CERS6: variants seen among roughly 807,000 people sequenced by gnomAD.
CERS6 encodes ceramide synthase 6.
In CERS6, 26 loss-of-function variants were observed where a neutral mutation model predicts 56.8. That is an observed-to-expected ratio of 0.46 (90% CI 0.34 to 0.63). The LOEUF (loss-of-function observed/expected upper bound fraction) is 0.63. Among genes scored for constraint, CERS6 ranks in the 30% least tolerant of loss-of-function variants. The probability of loss-of-function intolerance (pLI) is 0.01; values close to 1 mark genes in which losing one functional copy is unlikely to be tolerated. For synonymous variants in CERS6, 164 were observed against 173.3 expected, an observed-to-expected ratio of 0.95 and a Z score of 0.42; for missense variants, 415 against 467.5, an observed-to-expected ratio of 0.89 and a Z score of 1.04.
chr2:168,752,318 TATA>T lies in CERS6; in HGVS notation c.846-13273_846-13271del, dbSNP rs1471451574. On this transcript the variant is annotated intron_variant, in intron 8 of 9. Coordinates refer to ENST00000305747, the MANE Select transcript of CERS6 (RefSeq NM_203463.3). ...GTGTGTGTGTGTGTGTGTGTGTGTG[TATA>T]GAGAGAGAGAGAGAGAGGCTAAGTT... Among the ~76,000 whole-genome samples, 126 of 139,422 alleles carry T rather than the reference TATA, an allele frequency of 9.0e-4. 2 individuals are homozygous for T. Among genetic ancestry groups the T allele is most frequent in the Middle Eastern group, 3.5e-3 (1 of 286 alleles). 91.5% of individuals were successfully genotyped at this position (139,422 alleles called of 152,430 possible).
In CERS6 at chr2:168,696,323, GT is replaced by G. The variant is rs1686646181; in HGVS notation, c.609+1277del. On this transcript the variant is annotated intron_variant, in intron 6 of 9. Transcript: ENST00000305747. ...AGCCAGGACGTTTTCCTTTGCTCTC[GT>G]TTTTGCCACTCCGTATACCTTCTTC... Among the ~76,000 whole-genome samples the G allele has an allele frequency of 2.0e-5, 3 of 152,042 alleles. No individual in the cohort carries two copies. In the South Asian group the frequency reaches 6.2e-4, roughly 32 times the overall value.
chr2:168,491,389 A>G (rs1436487914), intron 1 of CERS6, among the ~76,000 whole-genome samples: 2 of 152,042 alleles, frequency 1.3e-5, no homozygotes, highest in Admixed American at 1.3e-4. Flanking sequence ...TGGCTTCTTT[A>G]TATTTGACTT....
chr2:168,489,875 G>T (rs775631132), intron 1 of CERS6, among the ~76,000 whole-genome samples: 2 of 151,954 alleles, frequency 1.3e-5, no homozygotes, highest in East Asian at 3.9e-4. Context: ...CTAGTTCTTC[G>T]TATGTGGAAT....
At chr2:168,734,662 T>A (rs1683659564) in intron 8 of CERS6, among the ~76,000 whole-genome samples, 1 of 152,244 alleles carries the variant, frequency 6.6e-6, no homozygotes, top group Non-Finnish European at 1.5e-5. Context: ...TTTGTTTTCT[T>A]ACAGACTTAA....
At chr2:168,725,286 T>C (rs1170163989) in intron 8 of CERS6, among the ~76,000 whole-genome samples, 4 of 152,308 alleles carry the variant, frequency 2.6e-5, no homozygotes, top group East Asian at 3.9e-4. Flanking sequence ...TCTCCCTCCA[T>C]ACCTCCCTGC....
At chr2:168,527,967 C>T (rs1695099602) in intron 1 of CERS6, among the ~76,000 whole-genome samples, 1 of 152,022 alleles carries the variant, frequency 6.6e-6, no homozygotes, top group African/African-American at 2.4e-5. Context: ...GTGATCTGCC[C>T]ACCTAGACCT....
At chr2:168,580,678 C>T (rs1234686450) in intron 3 of CERS6, among the ~76,000 whole-genome samples, 1 of 152,038 alleles carries the variant, frequency 6.6e-6, no homozygotes, top group Non-Finnish European at 1.5e-5. Context: ...TCTGAAGATC[C>T]TTGAGGCCTG....
intron 3 of CERS6, among the ~76,000 whole-genome samples, chr2:168,612,180 G>A (rs562264405): frequency 6.6e-6 from 1 of 152,338 alleles, no homozygotes; most frequent in Admixed American, 6.5e-5. Flanking sequence ...AAGAGGCATA[G>A]GGAGTGCCCA....
In CERS6 at chr2:168,506,951, A is replaced by G. The variant is rs373632394; in HGVS notation, c.171-40645A>G. Among the ~76,000 whole-genome samples, 174 of 152,302 alleles carry G rather than the reference A, an allele frequency of 1.1e-3. 2 individuals carry two copies. Among genetic ancestry groups the G allele is most frequent in the African/African-American group, 4.0e-3 (168 of 41,578 alleles). ...GATTTCAAAACGATTTCAAACACAG[A>G]AAAGTTGCCAAGTTGAACAAAGCAT... On this transcript the variant is annotated intron_variant, in intron 1 of 9. Transcript: ENST00000305747.
At chr2:168,611,091 G>C (rs1684178639) in intron 3 of CERS6, among the ~76,000 whole-genome samples, 1 of 152,188 alleles carries the variant, frequency 6.6e-6, no homozygotes, top group Non-Finnish European at 1.5e-5. Context: ...TTACAGACAT[G>C]AGCCAGTGTG....
At position 168,506,673 on chromosome 2, in the gene CERS6, T is replaced by G. The variant is rs569728058; in HGVS notation, c.171-40923T>G. Among the ~76,000 whole-genome samples, 3 of 152,288 alleles carry G rather than the reference T, an allele frequency of 2.0e-5. No individual in the cohort carries two copies. The South Asian group carries it at 6.2e-4, about 32-fold the overall frequency. On this transcript the variant is annotated intron_variant, in intron 1 of 9. Transcript: ENST00000305747. ...TGATGCTATTAACCAAATGACACTT[T>G]TTGTCTTCATTCAAACTTCTCAGTA...
chr2:168,544,901 C>T (rs965407216), intron 1 of CERS6, among the ~76,000 whole-genome samples: 5 of 151,734 alleles, frequency 3.3e-5, no homozygotes, highest in Non-Finnish European at 5.9e-5. Context: ...CTTTTTTCTG[C>T]TTCTGCTTGG....
chr2:168,657,814 G>T (rs957142055), intron 4 of CERS6, among the ~76,000 whole-genome samples: 1 of 152,212 alleles, frequency 6.6e-6, no homozygotes, highest in Non-Finnish European at 1.5e-5. Context: ...TCCCGCTCGT[G>T]CCTCTCCCTC....
At chr2:168,558,637 AG>A (rs1412123700) in intron 2 of CERS6, among the ~76,000 whole-genome samples, 1 of 152,224 alleles carries the variant, frequency 6.6e-6, no homozygotes, top group East Asian at 1.9e-4. Context: ...TGGGAGGCCA[AG>A]GCGGGTGGAT....
chr2:168,703,188 C>T (rs1276323248), intron 6 of CERS6, among the ~76,000 whole-genome samples: 2 of 152,088 alleles, frequency 1.3e-5, no homozygotes, highest in African/African-American at 4.8e-5. Context: ...CTTTGGTGTT[C>T]GCAATAATTT....
chr2:168,683,842 A>G (rs1381198011), intron 4 of CERS6, among the ~76,000 whole-genome samples: 1 of 152,170 alleles, frequency 6.6e-6, no homozygotes, highest in Non-Finnish European at 1.5e-5. Context: ...TGTAGTGTGC[A>G]TAGTGTACCA....
At chr2:168,717,490 G>T (rs1249776360) in intron 7 of CERS6, among the ~76,000 whole-genome samples, 1 of 152,160 alleles carries the variant, frequency 6.6e-6, no homozygotes, top group Admixed American at 6.6e-5. Flanking sequence ...CAGCACTTCT[G>T]TTTGAACTGT....
intron 3 of CERS6, among the ~76,000 whole-genome samples, chr2:168,569,844 G>T (rs1335482407): frequency 6.6e-6 from 1 of 152,164 alleles, no homozygotes; most frequent in Non-Finnish European, 1.5e-5. Flanking sequence ...CACATTAATA[G>T]TGTCTGCTTC....
intron 1 of CERS6, among the ~76,000 whole-genome samples, chr2:168,525,164 T>C (rs1402147331): frequency 2.6e-5 from 4 of 152,182 alleles, no homozygotes; most frequent in Non-Finnish European, 5.9e-5. Flanking sequence ...TTAAGACCAG[T>C]CTGTTCAAGT....
Sources: gnomAD v4.1 joint callset for allele counts (sites outside exome capture counted in the v4.1 genomes callset) on GRCh38, gnomAD v4.1.1 for gene constraint, MANE v1.5 for transcripts, NCBI Gene and HGNC (gene_info 2026-07-23, HGNC 2026-07-21) for gene names.